The following DPYSL3 variants were observed in gnomAD, a reference collection of about 807,000 sequenced individuals.
The protein encoded by DPYSL3 is dihydropyrimidinase-related protein 3.
A neutral mutation model predicts 66.1 loss-of-function variants in DPYSL3; 16 were observed. The ratio of observed to expected loss-of-function variants is 0.24; its 90% CI spans 0.16 to 0.37. The LOEUF is 0.37. DPYSL3 is among the 10% of genes least tolerant of loss of function. DPYSL3 has a pLI of 1.00. For missense variants in DPYSL3, 738 were observed against 916.2 expected (o/e 0.81, Z 2.51); for synonymous variants, 338 against 345.1 (o/e 0.98, Z 0.23).
chr5:147,405,814 A>G, intron 7 of DPYSL3, 84 bp from the exon 8 acceptor site: 2 of 1,521,800 alleles, frequency 1.3e-6, no homozygotes, highest in Non-Finnish European at 1.8e-6. Context: ...GTGAGGATGC[A>G]GTGCTGCACA....
intron 1 of DPYSL3, among the ~76,000 whole-genome samples, chr5:147,508,094 C>T (rs1561809429): frequency 6.6e-6 from 1 of 152,134 alleles, no homozygotes; most frequent in East Asian, 1.9e-4. Flanking sequence ...TTCCCTAAAA[C>T]GTTGGTAAGC....
Position 147,419,563 on chromosome 5 carries a change from A to G in DPYSL3, c.471-932T>C, listed in dbSNP as rs76899917. Among the ~76,000 whole-genome samples, 456 of 152,330 alleles carry G rather than the reference A, an allele frequency of 3.0e-3. 1 individual carries two copies. The highest frequency in any genetic ancestry group is 9.3e-3 in the African/African-American group (388 of 41,588). ...AACATGTCCACTATGGATAACAGGG[A>G]GACCTATGATTCATAAGCCTCTATA... On this transcript the variant is annotated intron_variant, in intron 2 of 13. Coordinates refer to ENST00000343218, the MANE Select transcript of DPYSL3 (RefSeq NM_001197294.2).
At chr5:147,490,491 A>G (rs1753399291) in intron 1 of DPYSL3, among the ~76,000 whole-genome samples, 2 of 152,224 alleles carry the variant, frequency 1.3e-5, no homozygotes, top group Admixed American at 1.3e-4. Flanking sequence ...GTTATGCTTT[A>G]GAACATCTCT....
At chr5:147,476,088 A>T (rs920227053) in intron 1 of DPYSL3, among the ~76,000 whole-genome samples, 1 of 152,156 alleles carries the variant, frequency 6.6e-6, no homozygotes, top group African/African-American at 2.4e-5. Context: ...AACTTGATCA[A>T]ACTCATATAG....
At chr5:147,420,735 T>C (rs1169848030) in intron 2 of DPYSL3, among the ~76,000 whole-genome samples, 1 of 152,240 alleles carries the variant, frequency 6.6e-6, no homozygotes, top group Admixed American at 6.5e-5. Context: ...TAACTCAACC[T>C]TCTCTCCACC....
chr5:147,421,358 T>A (rs113101429), intron 2 of DPYSL3, among the ~76,000 whole-genome samples: 5,235 of 151,598 alleles, frequency 0.035, 232 homozygotes, highest in East Asian at 0.16. Flanking sequence ...CTCAAGGAAA[T>A]AAGACACAAA....
At chr5:147,435,720 G>C (rs1215245071) in intron 1 of DPYSL3, among the ~76,000 whole-genome samples, 2 of 151,904 alleles carry the variant, frequency 1.3e-5, no homozygotes, top group Non-Finnish European at 2.9e-5. Context: ...AAGTGGCAGG[G>C]GGAAAAAAAA....
rs970856736 is a variant in DPYSL3, at chr5:147,393,930, G to T, written c.*105C>A. The T allele has an allele frequency of 8.6e-7, 1 of 1,165,076 alleles. No individual in the cohort carries two copies. The highest frequency in any genetic ancestry group is 1.3e-6 in the Non-Finnish European group (1 of 794,182). 72.2% of individuals were successfully genotyped at this position (1,165,076 alleles called of 1,614,324 possible). On this transcript the variant is annotated 3_prime_UTR_variant, in exon 14 of 14. Coordinates refer to ENST00000343218, the MANE Select transcript of DPYSL3 (RefSeq NM_001197294.2). Reference sequence around the variant, plus strand: ...AGGCTTGAGGCTTATTGATTCTTTAGATCACAACCGTTTGGATTCGCTTTC... The same window carrying T: ...AGGCTTGAGGCTTATTGATTCTTTATATCACAACCGTTTGGATTCGCTTTC...
chr5:147,410,578 G>C (rs1290025309), intron 6 of DPYSL3, among the ~76,000 whole-genome samples: 2 of 152,150 alleles, frequency 1.3e-5, no homozygotes, highest in Non-Finnish European at 1.5e-5. Context: ...AAGGAACCCT[G>C]TCTTTTACAT....
At chr5:147,438,992 T>C (rs1293993848) in intron 1 of DPYSL3, among the ~76,000 whole-genome samples, 2 of 152,208 alleles carry the variant, frequency 1.3e-5, no homozygotes, top group Non-Finnish European at 2.9e-5. Context: ...CCTAGGATCA[T>C]GGAGCAGACA....
chr5:147,506,457 C>T (rs575940699), intron 1 of DPYSL3, among the ~76,000 whole-genome samples: 23 of 152,142 alleles, frequency 1.5e-4, no homozygotes, highest in South Asian at 1.0e-3. Context: ...TAATGCACTT[C>T]GCCATGGTCA....
At chr5:147,421,725 T>G (rs1752082977) in intron 2 of DPYSL3, among the ~76,000 whole-genome samples, 1 of 152,170 alleles carries the variant, frequency 6.6e-6, no homozygotes, top group African/African-American at 2.4e-5. Context: ...AACTATTTGA[T>G]CCTTGACAAA....
chr5:147,469,121 T>C (rs908782386), intron 1 of DPYSL3, among the ~76,000 whole-genome samples: 1 of 152,200 alleles, frequency 6.6e-6, no homozygotes, highest in South Asian at 2.1e-4. Flanking sequence ...AAGCACATTG[T>C]AGCCTTGGCC....
chr5:147,501,478 A>ATT (rs749216433), intron 1 of DPYSL3, among the ~76,000 whole-genome samples: 15,744 of 91,038 alleles, frequency 0.17, 2,557 homozygotes, highest in African/African-American at 0.25. Flanking sequence ...GGTGATAATG[A>ATT]TTTTTTTTTT....
intron 1 of DPYSL3, among the ~76,000 whole-genome samples, chr5:147,497,553 C>A (rs1464078609): frequency 6.6e-6 from 1 of 152,064 alleles, no homozygotes; most frequent in African/African-American, 2.4e-5. Context: ...CTCAGCAAGG[C>A]TGAGTTTATC....
chr5:147,405,056 G>C (rs1335754292), intron 8 of DPYSL3, among the ~76,000 whole-genome samples: 5 of 152,134 alleles, frequency 3.3e-5, no homozygotes, highest in African/African-American at 9.7e-5. Flanking sequence ...GCCAAAAATT[G>C]AGGACAACAG....
At position 147,423,834 on chromosome 5, in the gene DPYSL3, C is replaced by T. The variant is rs1382742695; in HGVS notation, c.470+1041G>A. On this transcript the variant is annotated intron_variant, in intron 2 of 13. Coordinates refer to ENST00000343218, the MANE Select transcript of DPYSL3 (RefSeq NM_001197294.2). ...CTCCTGGGTTCAAGTGATTCCCTTG[C>T]CTCAGGTCCCTGAGTAGCTGGGACT... Among the ~76,000 whole-genome samples, 3 of 152,116 alleles carry T rather than the reference C, an allele frequency of 2.0e-5. No individual in the cohort carries two copies. In the East Asian group the frequency reaches 5.8e-4, roughly 29 times the overall value.
At chr5:147,412,500 C>G in intron 6 of DPYSL3, 108 bp downstream of exon 6, 1 of 1,121,770 alleles carries the variant, frequency 8.9e-7, no homozygotes, top group African/African-American at 1.5e-5. Context: ...TAGCAAGGTA[C>G]TTATGATGGT....
intron 1 of DPYSL3, among the ~76,000 whole-genome samples, chr5:147,450,410 G>C (rs1197801247): frequency 6.6e-6 from 1 of 152,196 alleles, no homozygotes; most frequent in Non-Finnish European, 1.5e-5. Flanking sequence ...TCGCGAGACA[G>C]TGAAGATCCC....
Sources: allele counts gnomAD v4.1 joint callset (sites outside exome capture counted in the v4.1 genomes callset), GRCh38; gene constraint gnomAD v4.1.1; transcripts MANE v1.5; gene names NCBI Gene and HGNC (gene_info 2026-07-23, HGNC 2026-07-21).